The following USP42 variants were observed in gnomAD, a reference collection of about 807,000 sequenced individuals.
USP42 encodes the protein ubiquitin specific peptidase 42, also known as ubiquitin carboxyl-terminal hydrolase 42.
USP42 carries 23 observed loss-of-function variants against 113.0 expected under a neutral mutation model. The observed-to-expected ratio is 0.20, with a 90% CI of 0.15 to 0.29. The LOEUF is 0.29. Among genes scored for constraint, USP42 ranks in the 10% least tolerant of loss-of-function variants. The pLI is 1.00. For missense variants in USP42, 2,174 were observed against 1,779.8 expected, an observed-to-expected ratio of 1.22 and a Z score of -3.99; for synonymous variants, 933 against 699.0, an observed-to-expected ratio of 1.33 and a Z score of -5.28.
At position 6,154,409 on chromosome 7, in the gene USP42, A is replaced by G. The variant is rs1437540809; in HGVS notation, c.2855A>G (p.His952Arg). The change falls in exon 15 of 18, where the codon CAC (histidine) becomes CGC (arginine). Residue 952 changes from histidine (H) to arginine (R), a missense_variant. Coordinates refer to ENST00000306177, the MANE Select transcript of USP42 (RefSeq NM_032172.3). ...AGCCTCAGAAAGGTGGACCGAGGCC[A>G]CTACCGCAGCCGGAGAGAGCGCTCG... ...IGSLRKVDRG[H>R]YRSRRERSSS... 7.6e-6 allele frequency: 12 copies of G among 1,576,844 alleles called. No homozygotes were observed. The highest frequency in any genetic ancestry group is 1.8e-5 in the Admixed American group (1 of 54,678).
In USP42 at chr7:6,147,762, G is replaced by C; in HGVS notation, c.1256G>C (p.Gly419Ala). The C allele has an allele frequency of 6.3e-7, 1 of 1,591,304 alleles. No homozygotes were observed. Reference sequence around the variant, plus strand: ...AGGTCCCATGATGTGAAAAATGGAGGTGAACTTACTCATCCCACCCATAGC... The same window carrying C: ...AGGTCCCATGATGTGAAAAATGGAGCTGAACTTACTCATCCCACCCATAGC... ...YIRSHDVKNG[G>A]ELTHPTHSPG... Residue 419 changes from glycine to alanine, a missense_variant, in exon 12 of 18, where the codon GGT becomes GCT. Gly to Ala is a moderately conservative substitution (Grantham distance 60). Coordinates refer to ENST00000306177, the MANE Select transcript of USP42 (RefSeq NM_032172.3).
At position 6,145,672 on chromosome 7, in the gene USP42, T is replaced by C. The variant is rs1471744205; in HGVS notation, c.1131+16T>C. 1 of 1,610,042 alleles carries C rather than the reference T, an allele frequency of 6.2e-7. No homozygotes were observed. The highest frequency in any genetic ancestry group is 1.1e-5 in the South Asian group (1 of 90,664). On this transcript the variant is annotated intron_variant, in intron 10 of 17. Transcript: ENST00000306177. The stretch of plus-strand genomic sequence containing the variant: ...CTACATAAAAGTAAGCTGTGCAGAT[T>C]TGCTATTAACTATTGTTACATACAT...
At chr7:6,091,609 A>G in the USP42 span, among the ~76,000 whole-genome samples, 1 of 149,708 alleles carries the variant, frequency 6.7e-6, no homozygotes, top group East Asian at 1.9e-4. Context: ...TCTCACCCCC[A>G]TATTAATTTT....
intron 3 of USP42, among the ~76,000 whole-genome samples, chr7:6,120,277 C>T (rs143544909): frequency 1.6e-4 from 25 of 151,764 alleles, no homozygotes; most frequent in Non-Finnish European, 2.4e-4. Context: ...TTTATTTGCT[C>T]TGTCACTCCA....
chr7:6,154,628 G>T lies in USP42; in HGVS notation c.3074G>T (p.Arg1025Leu), dbSNP rs376728655. 1.2e-5 allele frequency: 20 copies of T among 1,600,788 alleles called. No homozygotes were observed. Among genetic ancestry groups the T allele is most frequent in the Non-Finnish European group, 1.6e-5 (19 of 1,175,062 alleles). ...GRCSHHHSRH[R>L]SGVELDWVRH... ...TGCAGTCACCACCACTCCCGACACC[G>T]GAGCGGGGTGGAGCTGGACTGGGTC... The change falls in exon 15 of 18, where the codon CGG (arginine) becomes CTG (leucine). Residue 1025 changes from arginine to leucine, a missense_variant. Physicochemically the swap from Arg to Leu is moderately radical, Grantham distance 102. Transcript: ENST00000306177.
intron 4 of USP42, among the ~76,000 whole-genome samples, chr7:6,136,421 A>C (rs1684607517): frequency 6.6e-6 from 1 of 152,204 alleles, no homozygotes; most frequent in Non-Finnish European, 1.5e-5. Flanking sequence ...TTTTAGTAAA[A>C]CATTTGCTAT....
At chr7:6,119,184 C>G (rs1049459733) in intron 3 of USP42, among the ~76,000 whole-genome samples, 1 of 152,116 alleles carries the variant, frequency 6.6e-6, no homozygotes, top group Non-Finnish European at 1.5e-5. Flanking sequence ...CACTGTATTA[C>G]AGCCTGAGTG....
intron 2 of USP42, among the ~76,000 whole-genome samples, chr7:6,112,411 T>C (rs1583578542): frequency 6.6e-6 from 1 of 151,952 alleles, no homozygotes; most frequent in East Asian, 1.9e-4. Flanking sequence ...GATCGCACCA[T>C]TGCATTTCAG....
rs753207750 is a variant in USP42, at chr7:6,154,945, C to T, written c.3391C>T (p.Arg1131Cys). ...CCACGCCCTCGCCCCGCACCCCGAC[C>T]GCTTCTCCCACGACAGAACTGCACT... Reference protein sequence around the residue: ...APHALAPHPDRFSHDRTALVA... With the variant: ...APHALAPHPDCFSHDRTALVA... The change falls in exon 15 of 18, where the codon CGC becomes TGC. Residue 1131 changes from arginine (R) to cysteine (C), a missense_variant. Arg to Cys is a radical substitution (Grantham distance 180). Coordinates refer to ENST00000306177, the MANE Select transcript of USP42 (RefSeq NM_032172.3). The T allele has an allele frequency of 4.5e-6, 7 of 1,554,106 alleles. No individual in the cohort carries two copies. Among genetic ancestry groups the T allele is most frequent in the Admixed American group, 1.9e-5 (1 of 51,284 alleles).
chr7:6,084,364 C>T, the USP42 span: 1 of 151,250 alleles, frequency 6.6e-6, no homozygotes. Flanking sequence ...TTTCCAGTAA[C>T]TTTTAGTCCT....
intron 3 of USP42, among the ~76,000 whole-genome samples, chr7:6,120,869 C>T (rs1175758875): frequency 3.9e-5 from 6 of 152,212 alleles, no homozygotes; most frequent in Non-Finnish European, 8.8e-5. Flanking sequence ...CAGGGGTGAG[C>T]CACTGCACCC....
chr7:6,082,408 G>T, the USP42 span, among the ~76,000 whole-genome samples: 2 of 151,770 alleles, frequency 1.3e-5, no homozygotes, highest in Non-Finnish European at 2.9e-5. Context: ...GATTACAGGC[G>T]TGAGCCACCG....
rs563893341 is a variant in USP42 at position 6,150,327 on chromosome 7, C to A, written c.2106+25C>A. On this transcript the variant is annotated intron_variant, in intron 13 of 17. Coordinates refer to ENST00000306177, the MANE Select transcript of USP42 (RefSeq NM_032172.3). ...GGTGAGTGCACGTCAGGGTCTTCAG[C>A]CTCGTTTGTGGCGGTTCCCTTGGCT... 3.3e-5 allele frequency: 53 copies of A among 1,611,432 alleles called. No homozygotes were observed. The East Asian group carries it at 1.2e-3, about 36-fold the overall frequency.
At position 6,139,871 on chromosome 7, in the gene USP42, T is replaced by TG; in HGVS notation, c.657-256dup. Reference sequence around the variant, plus strand: ...TCTTCCTGCTTCAGGACCAGACTCCTGCCTTGCTTCCCGAGTCCCTTCCTG... The same window carrying TG: ...TCTTCCTGCTTCAGGACCAGACTCCTGGCCTTGCTTCCCGAGTCCCTTCCTG... On this transcript the variant is annotated intron_variant, in intron 5 of 17. Transcript: ENST00000306177. This position sits in a 1 kb window ranked among gnomAD's most constrained non-coding sequence, Gnocchi z 4.5. 1 of 540,762 alleles carries TG rather than the reference T, an allele frequency of 1.8e-6. No individual in the cohort carries two copies. The allele number at this position is 540,762 out of a possible 1,614,324, so 33.5% of individuals were successfully genotyped here.
chr7:6,128,856 T>C (rs1319581243), intron 3 of USP42, among the ~76,000 whole-genome samples: 3 of 152,184 alleles, frequency 2.0e-5, no homozygotes, highest in Non-Finnish European at 4.4e-5. Context: ...AGGGTCTCTC[T>C]GTCACCTAGG....
Position 6,154,616 on chromosome 7 carries a change from A to T in USP42, c.3062A>T (p.His1021Leu). 6.3e-7 allele frequency: 1 copy of T among 1,594,822 alleles called. No homozygotes were observed. The highest frequency in any genetic ancestry group is 8.5e-7 in the Non-Finnish European group (1 of 1,172,524). ...TCTCTGGGCAGGTGCAGTCACCACCACTCCCGACACCGGAGCGGGGTGGAG... is the reference window on the plus strand; with the variant it reads ...TCTCTGGGCAGGTGCAGTCACCACCTCTCCCGACACCGGAGCGGGGTGGAG... The part of the protein sequence containing the change: ...RRSLGRCSHH[H>L]SRHRSGVELD... Residue 1021 changes from histidine (H) to leucine (L), a missense_variant, in exon 15 of 18, where the codon CAC (histidine) becomes CTC (leucine). Transcript: ENST00000306177.
chr7:6,100,878 C>T (rs192743762), upstream of USP42, among the ~76,000 whole-genome samples: 102 of 150,144 alleles, frequency 6.8e-4, no homozygotes, highest in Non-Finnish European at 1.4e-3. Context: ...ATGTTGGTCA[C>T]GCTGGTCTTG....
intron 3 of USP42, among the ~76,000 whole-genome samples, chr7:6,120,791 C>T (rs899167436): frequency 7.2e-5 from 11 of 152,028 alleles, no homozygotes; most frequent in African/African-American, 2.7e-4. Flanking sequence ...ACCCTGTTGG[C>T]CAAGCTGGTC....
intron 3 of USP42, among the ~76,000 whole-genome samples, chr7:6,126,150 G>T (rs1352303658): frequency 6.6e-6 from 1 of 152,126 alleles, no homozygotes; most frequent in South Asian, 2.1e-4. Context: ...AGTGTTACGT[G>T]AATTATATAG....
Sources: allele counts gnomAD v4.1 joint callset (sites outside exome capture counted in the v4.1 genomes callset), GRCh38; gene constraint gnomAD v4.1.1; non-coding constraint Gnocchi (gnomAD v3.1); transcripts MANE v1.5; gene names NCBI Gene and HGNC (gene_info 2026-07-23, HGNC 2026-07-21).